Variants in OPA3 observed in about 807,000 individuals in gnomAD.
OPA3 encodes the protein outer mitochondrial membrane lipid metabolism regulator OPA3.
Under a neutral mutation model 4.0 loss-of-function variants are expected in OPA3, and 6 were observed. That is an observed-to-expected ratio of 1.51 (90% CI 0.83 to 2.99). OPA3 has a LOEUF of 2.99. OPA3 is among the 30% of genes most tolerant of loss of function. The pLI is 0.00. For missense variants in OPA3, 235 were observed against 256.2 expected, an observed-to-expected ratio of 0.92 and a Z score of 0.56; for synonymous variants, 105 against 117.1, an observed-to-expected ratio of 0.90 and a Z score of 0.67.
At chr19:45,562,654 C>CCA (rs1409770595) in intron 1 of OPA3, among the ~76,000 whole-genome samples, 1 of 152,064 alleles carries the variant, frequency 6.6e-6, no homozygotes, top group Non-Finnish European at 1.5e-5. Context: ...GCGCCACTGC[C>CCA]CAGCCTGGGA....
intron 1 of OPA3, among the ~76,000 whole-genome samples, chr19:45,563,888 T>C (rs1187658945): frequency 6.7e-6 from 1 of 150,318 alleles, no homozygotes; most frequent in Admixed American, 6.7e-5. Context: ...TGAGATTTTG[T>C]CATGTTGCCC....
chr19:45,572,518 G>A (rs1206262800), intron 1 of OPA3, among the ~76,000 whole-genome samples: 1 of 123,306 alleles, frequency 8.1e-6, no homozygotes, highest in Admixed American at 9.1e-5. Flanking sequence ...TCATATATGA[G>A]ATATGAGATA....
At chr19:45,582,530 T>C (rs1189010622) in intron 1 of OPA3, among the ~76,000 whole-genome samples, 2 of 151,896 alleles carry the variant, frequency 1.3e-5, no homozygotes, top group East Asian at 1.9e-4. Context: ...GGCTGGAGTG[T>C]AGTGGTGCGA....
Position 45,546,325 on chromosome 19 carries a change from C to CATA in OPA3, c.*7186_*7188dup. 1.5e-6 allele frequency: 1 copy of CATA among 663,642 alleles called. No individual in the cohort carries two copies. The highest frequency in any genetic ancestry group is 1.9e-6 in the Non-Finnish European group (1 of 537,028). 41.1% of individuals were successfully genotyped at this position (663,642 alleles called of 1,614,324 possible). ...GAAACTTTCATTCCAATGATATGTA[C>CATA]ATAAGCACATACACTACATATAATA... On this transcript the variant is annotated 3_prime_UTR_variant, in exon 2 of 2. Coordinates refer to ENST00000263275, the MANE Select transcript of OPA3 (RefSeq NM_025136.4).
Position 45,551,867 on chromosome 19 carries a change from G to A in OPA3, c.*1647C>T, listed in dbSNP as rs1470773335. 1.0e-6 allele frequency: 1 copy of A among 985,512 alleles called. No homozygotes were observed. Among genetic ancestry groups the A allele is most frequent in the East Asian group, 1.1e-4 (1 of 8,838 alleles). The allele number at this position is 985,512 out of a possible 1,614,324, so 61.0% of individuals were successfully genotyped here. On this transcript the variant is annotated 3_prime_UTR_variant, in exon 2 of 2. Coordinates refer to ENST00000263275, the MANE Select transcript of OPA3 (RefSeq NM_025136.4). ...GACACGGATGGAAGATGAAGGATGT[G>A]ACAATTGAATCCATGGGCTTGGATT... is the stretch of plus-strand genomic sequence containing the variant.
Position 45,551,001 on chromosome 19 carries a change from T to A in OPA3, c.*2513A>T. On this transcript the variant is annotated 3_prime_UTR_variant, in exon 2 of 2. Transcript: ENST00000263275. Reference sequence around the variant, plus strand: ...TCTGAGAAAGGGTCTCACTCTGTCATCCAGGCTGGAGTGTAGTGGCGCGAT... The same window carrying A: ...TCTGAGAAAGGGTCTCACTCTGTCAACCAGGCTGGAGTGTAGTGGCGCGAT... 1.0e-6 allele frequency: 1 copy of A among 976,762 alleles called. No homozygotes were observed. 60.5% of individuals were successfully genotyped at this position (976,762 alleles called of 1,614,324 possible).
Position 45,580,141 on chromosome 19 carries a change from C to T in OPA3, c.142+4482G>A, listed in dbSNP as rs181424563. Among the ~76,000 whole-genome samples, 340 of 149,772 alleles carry T rather than the reference C, an allele frequency of 2.3e-3. 2 individuals carry two copies. Among genetic ancestry groups the T allele is most frequent in the East Asian group, 7.5e-3 (38 of 5,094 alleles). On this transcript the variant is annotated intron_variant, in intron 1 of 1. Coordinates refer to ENST00000263275, the MANE Select transcript of OPA3 (RefSeq NM_025136.4). ...CCTCCCGAGTAGCTGGGATTACAGG[C>T]GCGTGCCACCACGCCCAGCTAATTT...
In OPA3 at chr19:45,547,642, G is replaced by C. The variant is rs1969269861; in HGVS notation, c.*5872C>G. On this transcript the variant is annotated 3_prime_UTR_variant, in exon 2 of 2. Coordinates refer to ENST00000263275, the MANE Select transcript of OPA3 (RefSeq NM_025136.4). ...TAGATCAGCGGTGCCCGTAAGTCCGGAACTCCTACCCTGCCTCCATTCCTC... is the reference window on the plus strand; with the variant it reads ...TAGATCAGCGGTGCCCGTAAGTCCGCAACTCCTACCCTGCCTCCATTCCTC... 6.6e-6 allele frequency: 1 copy of C among 151,798 alleles called. No individual in the cohort carries two copies. The allele number at this position is 151,798 out of a possible 1,614,324, so 9.4% of individuals were successfully genotyped here.
rs73568986 is a variant in OPA3 at position 45,552,127 on chromosome 19, G to A, written c.*1387C>T. On this transcript the variant is annotated 3_prime_UTR_variant, in exon 2 of 2. Transcript: ENST00000263275. Reference sequence around the variant, plus strand: ...CAGTGGGTTGTGCCATAGACTCAAGGATGAGGGGGTTCTGTTGGAATAGTC... The same window carrying A: ...CAGTGGGTTGTGCCATAGACTCAAGAATGAGGGGGTTCTGTTGGAATAGTC... 8,924 of 985,414 alleles carry A rather than the reference G, an allele frequency of 9.1e-3. 598 individuals carry two copies. The African/African-American group carries it at 0.14, about 16-fold the overall frequency. The allele number at this position is 985,414 out of a possible 1,614,324, so 61.0% of individuals were successfully genotyped here.
chr19:45,544,584 C>A (rs186332806), downstream of OPA3, among the ~76,000 whole-genome samples: 28 of 152,214 alleles, frequency 1.8e-4, no homozygotes, highest in Admixed American at 1.0e-3. Flanking sequence ...CACCTGAGGT[C>A]GGGAGTTCGA....
At position 45,546,479 on chromosome 19, in the gene OPA3, G is replaced by T. The variant is rs1046789695; in HGVS notation, c.*7035C>A. 5.0e-6 allele frequency: 3 copies of T among 604,290 alleles called. No individual in the cohort carries two copies. Among genetic ancestry groups the T allele is most frequent in the Non-Finnish European group, 6.2e-6 (3 of 483,514 alleles). 37.4% of individuals were successfully genotyped at this position (604,290 alleles called of 1,614,324 possible). The stretch of plus-strand genomic sequence containing the variant: ...TAAATTATTGTATAAATATGCACAC[G>T]ATGGATTACATAAACTCTGCTTTTT... On this transcript the variant is annotated 3_prime_UTR_variant, in exon 2 of 2. Coordinates refer to ENST00000263275, the MANE Select transcript of OPA3 (RefSeq NM_025136.4).
intron 1 of OPA3, among the ~76,000 whole-genome samples, chr19:45,538,746 C>T (rs1306105712): frequency 6.6e-6 from 1 of 151,384 alleles, no homozygotes; most frequent in Non-Finnish European, 1.5e-5. Context: ...AGAAAAGATG[C>T]TCAACACATT....
intron 1 of OPA3, among the ~76,000 whole-genome samples, chr19:45,578,736 A>G (rs2122513211): frequency 2.0e-5 from 3 of 152,330 alleles, no homozygotes; most frequent in African/African-American, 7.2e-5. Flanking sequence ...CTGAGGCAGG[A>G]GAATCACTTG....
chr19:45,566,780 G>A (rs1364165522), intron 1 of OPA3, among the ~76,000 whole-genome samples: 1 of 151,960 alleles, frequency 6.6e-6, no homozygotes, highest in Non-Finnish European at 1.5e-5. Context: ...GGCTCAGCCA[G>A]CTGCTTATAA....
At chr19:45,578,149 C>G (rs1023499368) in intron 1 of OPA3, among the ~76,000 whole-genome samples, 2 of 152,176 alleles carry the variant, frequency 1.3e-5, no homozygotes, top group African/African-American at 4.8e-5. Flanking sequence ...ATAGTTTAAA[C>G]AAACATGGTA....
In OPA3 at chr19:45,570,988, G is replaced by T. The variant is rs1379197971; in HGVS notation, c.142+13635C>A. Among the ~76,000 whole-genome samples, 38 of 125,312 alleles carry T rather than the reference G, an allele frequency of 3.0e-4. 5 individuals are homozygous for T. The South Asian group carries it at 9.9e-3, about 33-fold the overall frequency. 82.2% of individuals were successfully genotyped at this position (125,312 alleles called of 152,430 possible). On this transcript the variant is annotated intron_variant, in intron 1 of 1. Transcript: ENST00000263275. ...GACAGCAAAACTATTTGGGGGGGGG[G>T]GGCATGAATAAATAAGTTTATTTTA...
At chr19:45,545,181 A>C (rs59105032), downstream of OPA3, among the ~76,000 whole-genome samples, 5,148 of 146,020 alleles carry the variant, frequency 0.035, 540 homozygotes, top group African/African-American at 0.12. Flanking sequence ...AAAAAAAACA[A>C]AAAAACAAAA....
At chr19:45,580,641 CAG>C (rs1292691965) in intron 1 of OPA3, among the ~76,000 whole-genome samples, 1 of 124,626 alleles carries the variant, frequency 8.0e-6, no homozygotes, top group Non-Finnish European at 1.8e-5. Flanking sequence ...TTTATTGAGA[CAG>C]AGTCTCGCTC....
chr19:45,534,589 A>C (rs568690027), intron 1 of OPA3, among the ~76,000 whole-genome samples: 47 of 146,598 alleles, frequency 3.2e-4, no homozygotes, highest in African/African-American at 1.1e-3. Flanking sequence ...AAAGTCAAGT[A>C]AAGAAAACAA....
Sources: gnomAD v4.1 joint callset for allele counts (sites outside exome capture counted in the v4.1 genomes callset) on GRCh38, gnomAD v4.1.1 for gene constraint, MANE v1.5 for transcripts, NCBI Gene and HGNC (gene_info 2026-07-23, HGNC 2026-07-21) for gene names.